The following NCAM2 variants were observed in gnomAD, a reference collection of about 807,000 sequenced individuals.
The protein encoded by NCAM2 is neural cell adhesion molecule 2, also known as N-CAM-2.
NCAM2 carries 30 observed loss-of-function variants against 98.1 expected under a neutral mutation model. The observed-to-expected ratio is 0.31, with a 90% confidence interval of 0.23 to 0.41. The LOEUF is 0.41. NCAM2 is among the 10% of genes least tolerant of loss of function. NCAM2 has a pLI of 1.00. For synonymous variants in NCAM2, 368 were observed against 342.4 expected (o/e 1.07, Z -0.83); for missense variants, 867 against 1,005.8 (o/e 0.86, Z 1.87).
intron 16 of NCAM2, among the ~76,000 whole-genome samples, chr21:21,516,872 C>T (rs1395887222): frequency 6.6e-6 from 1 of 152,140 alleles, no homozygotes; most frequent in Admixed American, 6.6e-5. Flanking sequence ...CCTTCCAAGA[C>T]TCTGTATCAT....
chr21:21,454,979 C>T (rs1981913172), intron 12 of NCAM2, among the ~76,000 whole-genome samples: 1 of 151,806 alleles, frequency 6.6e-6, no homozygotes, highest in Non-Finnish European at 1.5e-5. Context: ...TCTCTAGATA[C>T]AAGGGGAAAT....
At chr21:21,244,215 G>T (rs747410187) in intron 1 of NCAM2, among the ~76,000 whole-genome samples, 1 of 151,902 alleles carries the variant, frequency 6.6e-6, no homozygotes, top group African/African-American at 2.4e-5. Flanking sequence ...CTAGCCAAAA[G>T]AATAAAACCC....
intron 1 of NCAM2, among the ~76,000 whole-genome samples, chr21:21,235,778 G>C (rs892033093): frequency 6.6e-5 from 10 of 152,014 alleles, no homozygotes; most frequent in Admixed American, 2.0e-4. Context: ...CCTGAATTCA[G>C]ATCTCAGCTT....
chr21:21,393,667 A>C (rs1177026609), intron 9 of NCAM2, among the ~76,000 whole-genome samples: 1 of 152,174 alleles, frequency 6.6e-6, no homozygotes, highest in African/African-American at 2.4e-5. Context: ...TTGAATACTG[A>C]TATATCTATA....
chr21:21,086,605 C>T (rs1466032097), intron 1 of NCAM2, among the ~76,000 whole-genome samples: 1 of 152,098 alleles, frequency 6.6e-6, no homozygotes, highest in Non-Finnish European at 1.5e-5. Context: ...TTAGAACCAT[C>T]AAGAGAAATG....
chr21:21,264,164 C>T (rs1404507371), intron 1 of NCAM2, among the ~76,000 whole-genome samples: 1 of 151,890 alleles, frequency 6.6e-6, no homozygotes, highest in Non-Finnish European at 1.5e-5. Context: ...AACAAATAAC[C>T]CTGTTAAAAA....
At chr21:21,034,201 C>T (rs9976846) in intron 1 of NCAM2, among the ~76,000 whole-genome samples, 50,088 of 151,874 alleles carry the variant, frequency 0.33, 8,800 homozygotes, top group Non-Finnish European at 0.4. Flanking sequence ...CAGATTGGCT[C>T]CCATCAAGGT....
At chr21:21,174,051 G>A (rs1205948082) in intron 1 of NCAM2, among the ~76,000 whole-genome samples, 1 of 152,152 alleles carries the variant, frequency 6.6e-6, no homozygotes, top group Admixed American at 6.5e-5. Context: ...AGCCTCCCAA[G>A]TAGCTGTGAT....
At position 21,010,730 on chromosome 21, in the gene NCAM2, T is replaced by G. The variant is rs538035432; in HGVS notation, c.55+12112T>G. Reference sequence around the variant, plus strand: ...CCATGCCTTTTACCTCATTTTAAAGTCTCTAAGTCTCAGGTGATGGACATG... The same window carrying G: ...CCATGCCTTTTACCTCATTTTAAAGGCTCTAAGTCTCAGGTGATGGACATG... On this transcript the variant is annotated intron_variant, in intron 1 of 17. Transcript: ENST00000400546. 7.9e-5 allele frequency among the ~76,000 whole-genome samples: 12 copies of G among 152,180 alleles called. 1 individual carries two copies. In the East Asian group the frequency reaches 2.3e-3, roughly 29 times the overall value.
chr21:21,478,384 G>C (rs1451401954), intron 15 of NCAM2, among the ~76,000 whole-genome samples: 3 of 151,818 alleles, frequency 2.0e-5, no homozygotes, highest in Admixed American at 6.6e-5. Context: ...TATTATATTA[G>C]AGTATAAGTA....
At chr21:21,293,697 C>A (rs370087570) in intron 5 of NCAM2, among the ~76,000 whole-genome samples, 31 of 151,816 alleles carry the variant, frequency 2.0e-4, no homozygotes, top group African/African-American at 7.5e-4. Context: ...GTAACTCTTT[C>A]TCTTTATTGT....
At chr21:21,424,724 T>A (rs1029977260) in intron 11 of NCAM2, among the ~76,000 whole-genome samples, 2 of 152,030 alleles carry the variant, frequency 1.3e-5, no homozygotes, top group Admixed American at 1.3e-4. Context: ...AGTTAAGTTA[T>A]AGATCTTAAA....
At chr21:21,309,378 G>A (rs111345068) in intron 5 of NCAM2, among the ~76,000 whole-genome samples, 1 of 151,934 alleles carries the variant, frequency 6.6e-6, no homozygotes, top group Non-Finnish European at 1.5e-5. Context: ...TTTAAGCTTT[G>A]TTAAGTTTGA....
intron 9 of NCAM2, among the ~76,000 whole-genome samples, chr21:21,385,443 C>T (rs1173136576): frequency 1.3e-5 from 2 of 151,346 alleles, no homozygotes; most frequent in African/African-American, 4.8e-5. Flanking sequence ...CAGTCTTATA[C>T]CACCTGAACC....
At chr21:21,202,883 A>G (rs2212880) in intron 1 of NCAM2, among the ~76,000 whole-genome samples, 72,112 of 151,938 alleles carry the variant, frequency 0.47, 17,919 homozygotes, top group South Asian at 0.61. Context: ...AATATTATCA[A>G]TGTAGGATGG....
chr21:21,093,091 T>C (rs2066046982), intron 1 of NCAM2, among the ~76,000 whole-genome samples: 1 of 152,080 alleles, frequency 6.6e-6, no homozygotes, highest in Non-Finnish European at 1.5e-5. Context: ...CAATTTGTTA[T>C]GTCCCGGTAA....
At chr21:21,138,607 TC>T (rs1256916067) in intron 1 of NCAM2, among the ~76,000 whole-genome samples, 3 of 152,050 alleles carry the variant, frequency 2.0e-5, no homozygotes, top group African/African-American at 7.2e-5. Context: ...CTCTCACATC[TC>T]CAGCAATATT....
At chr21:21,074,375 A>T (rs1354696421) in intron 1 of NCAM2, among the ~76,000 whole-genome samples, 1 of 152,058 alleles carries the variant, frequency 6.6e-6, no homozygotes, top group African/African-American at 2.4e-5. Flanking sequence ...TTATTGATTA[A>T]CATTTAATTT....
At chr21:21,124,903 A>G (rs923567390) in intron 1 of NCAM2, among the ~76,000 whole-genome samples, 1 of 152,102 alleles carries the variant, frequency 6.6e-6, no homozygotes, top group African/African-American at 2.4e-5. Flanking sequence ...ATCATTTTAG[A>G]AAAACTCATT....
Sources: allele counts gnomAD v4.1 joint callset (sites outside exome capture counted in the v4.1 genomes callset), GRCh38; gene constraint gnomAD v4.1.1; transcripts MANE v1.5; gene names NCBI Gene and HGNC (gene_info 2026-07-23, HGNC 2026-07-21).